DIAPH1: variants seen among roughly 807,000 people sequenced by gnomAD.
DIAPH1 encodes protein diaphanous homolog 1.
DIAPH1 carries 46 observed loss-of-function variants against 140.7 expected under a neutral mutation model. The ratio of observed to expected loss-of-function variants is 0.33; its 90% CI spans 0.26 to 0.42. The LOEUF (loss-of-function observed/expected upper bound fraction) is 0.42, where lower values mean the gene tolerates loss of function less well. Ranked by LOEUF, DIAPH1 falls within the 10% of genes least tolerant of loss-of-function variation. The pLI, the probability that DIAPH1 is intolerant of heterozygous loss-of-function variation, is 1.00. For synonymous variants in DIAPH1, 565 were observed against 551.6 expected (o/e 1.02, Z -0.34); for missense variants, 1,310 against 1,558.7 (o/e 0.84, Z 2.69).
At chr5:141,595,496 GTAA>G (rs1463655898) in intron 1 of DIAPH1, among the ~76,000 whole-genome samples, 1 of 152,172 alleles carries the variant, frequency 6.6e-6, no homozygotes, top group East Asian at 1.9e-4. Context: ...CCAGGTGGAG[GTAA>G]TAGGATCATG....
In DIAPH1 at chr5:141,529,052, G is replaced by C. The variant is rs1015764923; in HGVS notation, c.2779-111C>G. On this transcript the variant is annotated intron_variant, in intron 21 of 27. Transcript: ENST00000389054. ...TCACAGCTCCAGAGCAGGGAGAAGA[G>C]AGAGATTAAGACAGGTTCAAAAACA... is the stretch of plus-strand genomic sequence containing the variant. 28 of 1,578,950 alleles carry C rather than the reference G, an allele frequency of 1.8e-5. No individual in the cohort carries two copies. In the African/African-American group the frequency reaches 2.6e-4, roughly 14 times the overall value.
intron 12 of DIAPH1, 57 bp downstream of exon 12, chr5:141,577,418 A>C: frequency 8.4e-7 from 1 of 1,197,128 alleles, no homozygotes. Context: ...AATTTAAGGA[A>C]TTCACTCTCT....
intron 18 of DIAPH1, among the ~76,000 whole-genome samples, chr5:141,539,601 A>G (rs1168865838): frequency 1.3e-5 from 2 of 151,802 alleles, no homozygotes; most frequent in Non-Finnish European, 2.9e-5. Context: ...CTAATGATTC[A>G]ATCTCCTCAC....
At chr5:141,586,500 G>A (rs905105963) in intron 3 of DIAPH1, among the ~76,000 whole-genome samples, 2 of 152,078 alleles carry the variant, frequency 1.3e-5, no homozygotes, top group Non-Finnish European at 2.9e-5. Flanking sequence ...CTCCTTATTC[G>A]GTGTTCCTCA....
At position 141,576,242 on chromosome 5, in the gene DIAPH1, C is replaced by G. The variant is rs750732697; in HGVS notation, c.1449G>C (p.Glu483Asp). The change falls in exon 14 of 28, where the codon GAG becomes GAC. Residue 483 changes from glutamate (E) to aspartate (D), a missense_variant. Coordinates refer to ENST00000389054, the MANE Select transcript of DIAPH1 (RefSeq NM_005219.5). ...KVEKSEAKAA[E>D]LEKKLDSELT... ...CTCTCATATGCACCTTCTTTTCCAG[C>G]TCTGCAGCTTTGGCTTCAGATTTCT... The G allele has an allele frequency of 2.5e-6, 4 of 1,613,484 alleles. No homozygotes were observed. Among genetic ancestry groups the G allele is most frequent in the Non-Finnish European group, 3.4e-6 (4 of 1,179,382 alleles).
chr5:141,594,010 G>C (rs1264327782), intron 1 of DIAPH1, among the ~76,000 whole-genome samples: 1 of 152,120 alleles, frequency 6.6e-6, no homozygotes, highest in East Asian at 1.9e-4. Context: ...TGGCCAGGCT[G>C]GTCTGGAACT....
intron 1 of DIAPH1, among the ~76,000 whole-genome samples, chr5:141,617,267 G>A (rs1281198182): frequency 6.6e-6 from 1 of 151,206 alleles, no homozygotes; most frequent in Admixed American, 6.6e-5. Context: ...AAAGAAGGAG[G>A]GGGTGTCAAT....
At chr5:141,544,796 GAAAAATGGTACAGCCAC>G (rs1351334781) in intron 18 of DIAPH1, among the ~76,000 whole-genome samples, 1 of 152,190 alleles carries the variant, frequency 6.6e-6, no homozygotes, top group Admixed American at 6.5e-5. Flanking sequence ...TAGTGGAAAT[GAAAAATGGTACAGCCAC>G]TTTGGAAAAC....
intron 18 of DIAPH1, among the ~76,000 whole-genome samples, chr5:141,547,884 A>T (rs749340183): frequency 1.3e-5 from 2 of 152,210 alleles, no homozygotes; most frequent in Admixed American, 1.3e-4. Context: ...TAAAACTGCT[A>T]AAAATCAGAG....
chr5:141,582,739 T>C (rs533269696), intron 6 of DIAPH1, among the ~76,000 whole-genome samples: 32 of 152,326 alleles, frequency 2.1e-4, no homozygotes, highest in African/African-American at 7.7e-4. Context: ...GGCCATGTTA[T>C]TATTTTGTTT....
At chr5:141,538,384 G>C (rs1414800575) in intron 18 of DIAPH1, among the ~76,000 whole-genome samples, 1 of 149,028 alleles carries the variant, frequency 6.7e-6, no homozygotes, top group South Asian at 2.1e-4. Context: ...ACGGAGTCTC[G>C]CTCTGTCTCC....
rs73794938 is a variant in DIAPH1 at position 141,609,181 on chromosome 5, A to C, written c.117+9617T>G. Among the ~76,000 whole-genome samples, 1,153 of 152,060 alleles carry C rather than the reference A, an allele frequency of 7.6e-3. 17 individuals carry two copies. The highest frequency in any genetic ancestry group is 0.026 in the African/African-American group (1,087 of 41,466). ...AATTACTAAATGCAAAAAAAAAAAA[A>C]AAAAAACAGGCATTTAGCCACTACG... is the stretch of plus-strand genomic sequence containing the variant. On this transcript the variant is annotated intron_variant, in intron 1 of 27. Coordinates refer to ENST00000389054, the MANE Select transcript of DIAPH1 (RefSeq NM_005219.5).
chr5:141,573,748 G>A lies in DIAPH1; in HGVS notation c.2102C>T (p.Pro701Leu). The A allele has an allele frequency of 2.9e-6, 4 of 1,387,756 alleles. No homozygotes were observed. The highest frequency in any genetic ancestry group is 2.0e-4 in the Middle Eastern group (1 of 5,012). 86.0% of individuals were successfully genotyped at this position (1,387,756 alleles called of 1,614,324 possible). A position where few individuals can be genotyped will look rare whatever the true frequency, so the allele number is the denominator to read the frequency against. The change falls in exon 16 of 28, where the codon CCC becomes CTC. Residue 701 changes from proline (P) to leucine (L), a missense_variant. Physicochemically the swap from Pro to Leu is moderately conservative, Grantham distance 98 (BLOSUM62 -3). Coordinates refer to ENST00000389054, the MANE Select transcript of DIAPH1 (RefSeq NM_005219.5). ...TCCAGGCAAGGGAGGAGGTGGGGGG[G>A]GAATTCCAGCACTCCCAGGCAAAGG... is the stretch of plus-strand genomic sequence containing the variant. ...PPPLPGSAGI[P>L]PPPPPLPGEA...
chr5:141,615,026 C>T (rs2099902457), intron 1 of DIAPH1, among the ~76,000 whole-genome samples: 1 of 152,168 alleles, frequency 6.6e-6, no homozygotes, highest in Admixed American at 6.5e-5. Context: ...GAGTCTACTA[C>T]TAAACATTTA....
At chr5:141,597,356 A>C (rs2099899484) in intron 1 of DIAPH1, among the ~76,000 whole-genome samples, 1 of 152,218 alleles carries the variant, frequency 6.6e-6, no homozygotes, top group Non-Finnish European at 1.5e-5. Context: ...CAATGGAACA[A>C]GGCCTTTAAA....
chr5:141,533,243 G>GAAATATTTGTCAAAT (rs1175973801), intron 19 of DIAPH1, among the ~76,000 whole-genome samples: 2 of 152,174 alleles, frequency 1.3e-5, no homozygotes, highest in Non-Finnish European at 2.9e-5. Flanking sequence ...AGCAGACCCT[G>GAAATATTTGTCAAAT]AAATATTTGT....
intron 18 of DIAPH1, among the ~76,000 whole-genome samples, chr5:141,559,530 T>C (rs1262885753): frequency 6.6e-6 from 1 of 152,132 alleles, no homozygotes; most frequent in Non-Finnish European, 1.5e-5. Flanking sequence ...CTGAGAGTTA[T>C]AAAGAAGGGG....
chr5:141,536,720 C>T (rs905271469), intron 18 of DIAPH1, among the ~76,000 whole-genome samples: 2 of 152,096 alleles, frequency 1.3e-5, no homozygotes, highest in African/African-American at 4.8e-5. Flanking sequence ...GGGGCAAAAG[C>T]ATTCCAGGCA....
chr5:141,587,441 T>C (rs2099897707), intron 2 of DIAPH1: 1 of 535,886 alleles, frequency 1.9e-6, no homozygotes, highest in Non-Finnish European at 3.3e-6. Context: ...TTCAAACCTC[T>C]TTAAACTAGA....
Sources: gnomAD v4.1 joint callset for allele counts (sites outside exome capture counted in the v4.1 genomes callset) on GRCh38, gnomAD v4.1.1 for gene constraint, MANE v1.5 for transcripts, NCBI Gene and HGNC (gene_info 2026-07-23, HGNC 2026-07-21) for gene names.